Variants in CCNY observed in about 807,000 individuals in gnomAD.
The protein encoded by CCNY is cyclin-Y.
In CCNY, 19 loss-of-function variants were observed where a neutral mutation model predicts 42.8. That is an observed-to-expected ratio of 0.44 (90% CI 0.31 to 0.65). The LOEUF (loss-of-function observed/expected upper bound fraction) is 0.65, where lower values mean the gene tolerates loss of function less well. Among genes scored for constraint, CCNY ranks in the 30% least tolerant of loss-of-function variants. CCNY has a pLI of 0.07. For synonymous variants in CCNY, 165 were observed against 162.7 expected (o/e 1.01, Z -0.11); for missense variants, 370 against 437.3 (o/e 0.85, Z 1.37).
At chr10:35,400,653 A>G (rs1286479766) in intron 1 of CCNY, among the ~76,000 whole-genome samples, 2 of 152,220 alleles carry the variant, frequency 1.3e-5, no homozygotes, top group Non-Finnish European at 2.9e-5. Flanking sequence ...AGGGGCAGGA[A>G]TATTTATTAA....
rs183027078 is a variant in CCNY at position 35,311,896 on chromosome 10, C to T, written c.-9+61270C>T. 2.5e-3 allele frequency among the ~76,000 whole-genome samples: 371 copies of T among 151,406 alleles called. 1 individual carries two copies. Among genetic ancestry groups the T allele is most frequent in the African/African-American group, 6.9e-3 (283 of 41,210 alleles). On this transcript the variant is annotated intron_variant, in intron 3 of 11. Coordinates refer to the CCNY transcript ENST00000374706. Reference sequence around the variant, plus strand: ...AGCTACTTGAGAGGTTGAGGTGGGACGATGGCTTGAACTCAGGAGTTTGTG... The same window carrying T: ...AGCTACTTGAGAGGTTGAGGTGGGATGATGGCTTGAACTCAGGAGTTTGTG...
intron 1 of CCNY, among the ~76,000 whole-genome samples, chr10:35,437,881 TA>T (rs1838574012): frequency 6.6e-6 from 1 of 152,176 alleles, no homozygotes; most frequent in Non-Finnish European, 1.5e-5. Context: ...TACTTTCTTT[TA>T]AAAGTTTTTA....
intron 1 of CCNY, among the ~76,000 whole-genome samples, chr10:35,440,669 G>T (rs1414919549): frequency 6.6e-6 from 1 of 152,164 alleles, no homozygotes; most frequent in Non-Finnish European, 1.5e-5. Flanking sequence ...CTGTGGGAGA[G>T]AACTTCAGAA....
At chr10:35,527,559 C>T (rs1287186919) in intron 5 of CCNY, among the ~76,000 whole-genome samples, 1 of 152,088 alleles carries the variant, frequency 6.6e-6, no homozygotes, top group East Asian at 1.9e-4. Context: ...AATTGAGGCA[C>T]AGAGAGATTA....
At chr10:35,461,010 T>G (rs1839146887) in intron 1 of CCNY, among the ~76,000 whole-genome samples, 1 of 149,596 alleles carries the variant, frequency 6.7e-6, no homozygotes, top group Non-Finnish European at 1.5e-5. Flanking sequence ...TGGGCAGGGG[T>G]GGGAGGGGCT....
intron 1 of CCNY, among the ~76,000 whole-genome samples, chr10:35,452,817 C>T (rs1589130914): frequency 6.6e-6 from 1 of 151,126 alleles, no homozygotes; most frequent in African/African-American, 2.4e-5. Flanking sequence ...GTGCTTGTCT[C>T]CTACAAAGAG....
intron 2 of CCNY, among the ~76,000 whole-genome samples, chr10:35,487,036 G>A (rs1839801871): frequency 6.6e-6 from 1 of 152,194 alleles, no homozygotes; most frequent in African/African-American, 2.4e-5. Flanking sequence ...AGAGGAAAAG[G>A]ATCATGTGAT....
At chr10:35,501,572 C>G in intron 3 of CCNY, 37 bp downstream of exon 3, 1 of 1,576,862 alleles carries the variant, frequency 6.3e-7, no homozygotes, top group Non-Finnish European at 8.7e-7. Flanking sequence ...TTCATAATGA[C>G]TGTACAGTGT....
chr10:35,477,301 T>A (rs1390729032), intron 1 of CCNY, among the ~76,000 whole-genome samples: 1 of 151,850 alleles, frequency 6.6e-6, no homozygotes, highest in Non-Finnish European at 1.5e-5. Flanking sequence ...GCCAGCATCA[T>A]TCTGATACCA....
At chr10:35,259,504 T>TTTG (rs1163520419) in intron 3 of CCNY, among the ~76,000 whole-genome samples, 1 of 132,718 alleles carries the variant, frequency 7.5e-6, no homozygotes, top group Non-Finnish European at 1.6e-5. Flanking sequence ...TGTTTTTTTT[T>TTTG]TTTTTTTTTT....
At chr10:35,365,893 A>C (rs1436034088) in intron 1 of CCNY, among the ~76,000 whole-genome samples, 1 of 152,226 alleles carries the variant, frequency 6.6e-6, no homozygotes, top group Non-Finnish European at 1.5e-5. Context: ...CAAAGTTATT[A>C]GTGTATATTG....
intron 2 of CCNY, among the ~76,000 whole-genome samples, chr10:35,496,272 A>T (rs1840001108): frequency 6.6e-6 from 1 of 152,238 alleles, no homozygotes; most frequent in Non-Finnish European, 1.5e-5. Flanking sequence ...TTCTGTTTTT[A>T]AATGGGACTC....
At chr10:35,482,749 GGTGTGTGTGTGT>G (rs56033862) in intron 1 of CCNY, among the ~76,000 whole-genome samples, 4,942 of 128,894 alleles carry the variant, frequency 0.038, 105 homozygotes, top group South Asian at 0.093. Context: ...GCTGGAAATA[GGTGTGTGTGTGT>G]GTGTGTGTGT....
At chr10:35,378,953 A>T (rs1049245858) in intron 1 of CCNY, among the ~76,000 whole-genome samples, 1 of 152,206 alleles carries the variant, frequency 6.6e-6, no homozygotes, top group African/African-American at 2.4e-5. Flanking sequence ...GAGGTTTCTC[A>T]TGGCCAGAGT....
At chr10:35,525,917 C>T in intron 4 of CCNY, 47 bp from the exon 5 acceptor site, 1 of 1,569,766 alleles carries the variant, frequency 6.4e-7, no homozygotes, top group East Asian at 2.2e-5. Flanking sequence ...TGTGTAAGGT[C>T]TTGAATATGC....
intron 1 of CCNY, among the ~76,000 whole-genome samples, chr10:35,465,626 C>T (rs1334397671): frequency 6.6e-6 from 1 of 152,114 alleles, no homozygotes; most frequent in African/African-American, 2.4e-5. Context: ...AGCTTTTCTT[C>T]TTCAACTGTC....
intron 3 of CCNY, among the ~76,000 whole-genome samples, chr10:35,304,879 G>C (rs1215617522): frequency 1.3e-5 from 2 of 152,194 alleles, no homozygotes; most frequent in Non-Finnish European, 2.9e-5. Flanking sequence ...AGGCAGGGGA[G>C]ATCAGAGGAA....
At chr10:35,501,428 C>T in intron 2 of CCNY, 73 bp from the exon 3 acceptor site, 3 of 1,294,094 alleles carry the variant, frequency 2.3e-6, no homozygotes, top group East Asian at 2.3e-5. Context: ...ACACAGAGGC[C>T]CAGTCCTCAT....
intron 2 of CCNY, among the ~76,000 whole-genome samples, chr10:35,486,314 G>A (rs576834521): frequency 5.3e-5 from 8 of 152,318 alleles, no homozygotes; most frequent in African/African-American, 1.9e-4. Flanking sequence ...ATTGGTAAAT[G>A]CTGCAAATCA....
Sources: gnomAD v4.1 joint callset for allele counts (sites outside exome capture counted in the v4.1 genomes callset) on GRCh38, gnomAD v4.1.1 for gene constraint, MANE v1.5 for transcripts, NCBI Gene and HGNC (gene_info 2026-07-23, HGNC 2026-07-21) for gene names.